MED19: variants seen among roughly 807,000 people sequenced by gnomAD.
MED19 encodes the protein mediator of RNA polymerase II transcription subunit 19.
Under a neutral mutation model 19.9 loss-of-function variants are expected in MED19, and 4 were observed. That is an observed-to-expected ratio of 0.20 (90% CI 0.10 to 0.46). MED19 has a LOEUF of 0.46. Among genes scored for constraint, MED19 ranks in the 20% least tolerant of loss-of-function variants. The pLI is 0.99. For missense variants in MED19, 303 were observed against 318.7 expected, an observed-to-expected ratio of 0.95 and a Z score of 0.38; for synonymous variants, 139 against 119.6, an observed-to-expected ratio of 1.16 and a Z score of -1.06.
At chr11:57,711,367 T>G (rs1230206872) in intron 1 of MED19, among the ~76,000 whole-genome samples, 1 of 152,058 alleles carries the variant, frequency 6.6e-6, no homozygotes, top group East Asian at 1.9e-4. Context: ...CTGGATTTTG[T>G]TTGTTTTGAG....
At position 57,704,403 on chromosome 11, in the gene MED19, G is replaced by A. The variant is rs766167823; in HGVS notation, c.572-7C>T. 8.5e-6 allele frequency: 13 copies of A among 1,537,632 alleles called. No individual in the cohort carries two copies. Among genetic ancestry groups the A allele is most frequent in the Non-Finnish European group, 1.0e-5 (12 of 1,146,254 alleles). ...TCTGAATCAGATGGTGTTTCTGTAGGAGACATTAGGTACCTATCACCTGTA... is the reference window on the plus strand; with the variant it reads ...TCTGAATCAGATGGTGTTTCTGTAGAAGACATTAGGTACCTATCACCTGTA... On this transcript the variant is annotated splice_polypyrimidine_tract_variant and splice_region_variant and intron_variant, in intron 3 of 4. Transcript: ENST00000431606.
At chr11:57,704,669 G>GTTT (rs34198151) in intron 3 of MED19, 50 bp downstream of exon 3, 17,098 of 1,252,044 alleles carry the variant, frequency 0.014, 3 homozygotes, top group South Asian at 0.029. Flanking sequence ...AGAAGGTCAG[G>GTTT]TTTTTTTTTT....
chr11:57,704,162 A>G, intron 4 of MED19, 56 bp from the exon 5 acceptor site: 1 of 1,534,786 alleles, frequency 6.5e-7, no homozygotes, highest in Non-Finnish European at 8.7e-7. Flanking sequence ...GGCTTTGATC[A>G]GGCTGTACAG....
chr11:57,712,191 C>A (rs989818431), exon 1 of MED19: 5 of 1,510,890 alleles, frequency 3.3e-6, no homozygotes, highest in Non-Finnish European at 4.4e-6. Flanking sequence ...GTACCCTCCG[C>A]CCCGGCGCTG....
intron 3 of MED19, 54 bp from the exon 4 acceptor site, chr11:57,704,450 T>TA (rs35168157): frequency 0.32 from 484,136 of 1,533,542 alleles, 78,453 homozygotes; most frequent in African/African-American, 0.34. Context: ...CCTCTACTGT[T>TA]ATGAACCACT....
At chr11:57,704,887 T>A (rs1215093619) in intron 2 of MED19, 72 bp from the exon 3 acceptor site, 2 of 1,607,754 alleles carry the variant, frequency 1.2e-6, no homozygotes, top group South Asian at 2.2e-5. Flanking sequence ...TCCATTCTGC[T>A]CCATTATGAA....
At position 57,704,083 on chromosome 11, in the gene MED19, TG is replaced by T. The variant is rs1191343497; in HGVS notation, c.689del (p.Pro230GlnfsTer63). 6.5e-7 allele frequency: 1 copy of T among 1,536,134 alleles called. No individual in the cohort carries two copies. The highest frequency in any genetic ancestry group is 8.7e-7 in the Non-Finnish European group (1 of 1,146,910). On this transcript the variant is annotated frameshift_variant, in exon 5 of 5. Transcript: ENST00000431606. LOFTEE classifies it high-confidence loss of function. ...TGCTGGCCTGGGAGCTGCCCATACC[TG>T]GGTGGTCTGGACTATGTCGATTCTG...
chr11:57,705,987 G>A (rs1946504119), intron 1 of MED19, among the ~76,000 whole-genome samples: 1 of 150,964 alleles, frequency 6.6e-6, no homozygotes, highest in Admixed American at 6.6e-5. Context: ...TAAGGGTCTT[G>A]TCAAGGACTT....
chr11:57,711,798 C>T (rs1440341687), intron 1 of MED19, among the ~76,000 whole-genome samples, 165 bp downstream of exon 1: 1 of 152,148 alleles, frequency 6.6e-6, no homozygotes, highest in African/African-American at 2.4e-5. Context: ...GAATTCAAGT[C>T]ATCCCTCTGC....
intron 1 of MED19, among the ~76,000 whole-genome samples, chr11:57,707,943 C>T (rs1946526765): frequency 6.6e-6 from 1 of 152,142 alleles, no homozygotes; most frequent in South Asian, 2.1e-4. Context: ...AACTACTTTC[C>T]TGCCTCAGCC....
intron 1 of MED19, among the ~76,000 whole-genome samples, chr11:57,710,993 C>T (rs1946577378): frequency 6.6e-6 from 1 of 152,060 alleles, no homozygotes; most frequent in Non-Finnish European, 1.5e-5. Context: ...GCCTGGCCAC[C>T]TTCAATTTTT....
chr11:57,708,295 G>C (rs1296135168), intron 1 of MED19, among the ~76,000 whole-genome samples: 1 of 152,088 alleles, frequency 6.6e-6, no homozygotes. Context: ...TCAGGAGAAA[G>C]CTCAAATTCC....
At chr11:57,711,964 T>C (rs777609685) in exon 1 of MED19, 18 of 1,454,214 alleles carry the variant, frequency 1.2e-5, no homozygotes, top group Middle Eastern at 3.7e-4. Flanking sequence ...AGTACTCACC[T>C]GGCAGTTCCC....
At chr11:57,709,802 C>T (rs1212649520) in intron 1 of MED19, among the ~76,000 whole-genome samples, 1 of 152,208 alleles carries the variant, frequency 6.6e-6, no homozygotes, top group African/African-American at 2.4e-5. Context: ...CTCAAGCAAT[C>T]CTCCCACCTC....
intron 2 of MED19, 21 bp from the exon 3 acceptor site, chr11:57,704,836 T>C (rs770891814): frequency 6.2e-7 from 1 of 1,613,022 alleles, no homozygotes; most frequent in Non-Finnish European, 8.5e-7. Flanking sequence ...CAAAGGAAGG[T>C]CCAGGTGAGT....
intron 1 of MED19, among the ~76,000 whole-genome samples, chr11:57,709,295 C>T (rs1375952263): frequency 1.3e-5 from 2 of 151,668 alleles, no homozygotes; most frequent in South Asian, 2.1e-4. Context: ...GCAGGAGAAT[C>T]GCTTGAACCT....
In MED19 at chr11:57,711,984, A is replaced by G. The variant is rs1373555012; in HGVS notation, c.196T>C (p.Tyr66His). Reference sequence around the variant, plus strand: ...TCACCTGGCAGTTCCCTCATGAGGTAAAAAGGGCCACAGCCAGCTCCTGAC... The same window carrying G: ...TCACCTGGCAGTTCCCTCATGAGGTGAAAAGGGCCACAGCCAGCTCCTGAC... Residue 66 changes from tyrosine to histidine, a missense_variant, in exon 1 of 5, where the codon TAC becomes CAC. By Grantham distance (83) the Tyr-to-His change is moderately conservative. This residue lies in a region of MED19 where 274 missense variants were observed against 259.2 expected (regional missense o/e 1.06). Coordinates refer to ENST00000431606, the Ensembl canonical transcript of MED19. 2.7e-6 allele frequency: 4 copies of G among 1,486,604 alleles called. No individual in the cohort carries two copies. The highest frequency in any genetic ancestry group is 1.4e-5 in the African/African-American group (1 of 69,776). The allele number at this position is 1,486,604 out of a possible 1,614,324, so 92.1% of individuals were successfully genotyped here. A position where few individuals can be genotyped will look rare whatever the true frequency, so the allele number is the denominator to read the frequency against.
At chr11:57,712,127 G>T (rs1412046107) in exon 1 of MED19, 1 of 1,529,944 alleles carries the variant, frequency 6.5e-7, no homozygotes, top group South Asian at 1.2e-5. Context: ...GAGTGCGGTT[G>T]GGGGCGGTGG....
chr11:57,706,587 AT>A (rs1946510191), intron 1 of MED19, among the ~76,000 whole-genome samples: 2 of 152,018 alleles, frequency 1.3e-5, no homozygotes, highest in South Asian at 4.1e-4. Flanking sequence ...CCTGGCCAAC[AT>A]GGTGAAACCC....
Sources: gnomAD v4.1 joint callset for allele counts (sites outside exome capture counted in the v4.1 genomes callset) on GRCh38, gnomAD v4.1.1 for gene constraint, gnomAD v4.1.1 regional missense constraint, MANE v1.5 for transcripts, NCBI Gene and HGNC (gene_info 2026-07-23, HGNC 2026-07-21) for gene names.